Variants in VMP1 observed in about 807,000 individuals in gnomAD.
VMP1 encodes the protein vacuole membrane protein 1.
Under a neutral mutation model 56.0 loss-of-function variants are expected in VMP1, and 11 were observed. The observed-to-expected ratio is 0.20, with a 90% confidence interval of 0.12 to 0.32. The LOEUF is 0.32. Ranked by LOEUF, VMP1 falls within the 10% of genes least tolerant of loss-of-function variation. VMP1 has a pLI of 1.00. For synonymous variants in VMP1, 149 were observed against 165.0 expected (o/e 0.90, Z 0.74); for missense variants, 296 against 490.3 (o/e 0.60, Z 3.74).
chr17:59,811,407 C>T (rs892490654), intron 8 of VMP1, among the ~76,000 whole-genome samples: 1 of 152,126 alleles, frequency 6.6e-6, no homozygotes, highest in African/African-American at 2.4e-5. Flanking sequence ...CACACAGTGC[C>T]TTAGCCATGA....
chr17:59,832,454 G>T (rs1283182394), intron 10 of VMP1, among the ~76,000 whole-genome samples: 6 of 151,896 alleles, frequency 4.0e-5, no homozygotes, highest in Non-Finnish European at 7.4e-5. Context: ...CCTAGAGCAA[G>T]TACCTACTTA....
chr17:59,761,948 T>C (rs559492738), intron 5 of VMP1, among the ~76,000 whole-genome samples: 225 of 152,324 alleles, frequency 1.5e-3, no homozygotes, highest in African/African-American at 4.7e-3. Flanking sequence ...CATGCTTTGT[T>C]TGGGCTCTTG....
chr17:59,794,509 C>T lies in VMP1; in HGVS notation c.715-14287C>T, dbSNP rs2645476. ...CTGGGATTACAGGTGTGAGCCCCCG[C>T]GCCCTGCATTTTTTTTTTTTTTTTT... On this transcript the variant is annotated intron_variant, in intron 7 of 11. Coordinates refer to ENST00000262291, the MANE Select transcript of VMP1 (RefSeq NM_030938.5). Among the ~76,000 whole-genome samples, 71 of 140,584 alleles carry T rather than the reference C, an allele frequency of 5.1e-4. 1 individual carries two copies. The highest frequency in any genetic ancestry group is 1.6e-3 in the African/African-American group (62 of 38,302). The allele number at this position is 140,584 out of a possible 152,430, so 92.2% of individuals were successfully genotyped here.
At chr17:59,782,718 A>C (rs2036867491) in intron 7 of VMP1, among the ~76,000 whole-genome samples, 1 of 152,222 alleles carries the variant, frequency 6.6e-6, no homozygotes, top group African/African-American at 2.4e-5. Context: ...CTATGAGTGG[A>C]AATTTAAATT....
intron 5 of VMP1, among the ~76,000 whole-genome samples, chr17:59,751,616 C>T (rs1389976773): frequency 7.2e-6 from 1 of 139,584 alleles, no homozygotes; most frequent in Non-Finnish European, 1.5e-5. Flanking sequence ...GTGGGGGGGG[C>T]GCCTGTAATC....
intron 6 of VMP1, 142 bp from the exon 7 acceptor site, chr17:59,773,612 T>C (rs1178938589): frequency 4.0e-6 from 3 of 740,860 alleles, no homozygotes; most frequent in Non-Finnish European, 6.0e-6. Context: ...ACTTTTATTA[T>C]TTTGATTATG....
chr17:59,789,488 T>G (rs1442203495), intron 7 of VMP1, among the ~76,000 whole-genome samples: 1 of 151,234 alleles, frequency 6.6e-6, no homozygotes, highest in African/African-American at 2.4e-5. Context: ...TGAGCCAAAA[T>G]CGCTCCACTG....
chr17:59,765,144 A>G lies in VMP1; in HGVS notation c.582+6A>G, dbSNP rs760785967. On this transcript the variant is annotated splice_donor_region_variant and intron_variant, in intron 6 of 11. Coordinates refer to ENST00000262291, the MANE Select transcript of VMP1 (RefSeq NM_030938.5). ...GGATTGAAGCCTGCATGTGGGTAAG[A>G]TATGCATTTTCATATTTGTTTAAAA... 6.2e-7 allele frequency: 1 copy of G among 1,611,894 alleles called. No individual in the cohort carries two copies. The highest frequency in any genetic ancestry group is 8.5e-7 in the Non-Finnish European group (1 of 1,179,332).
intron 1 of VMP1, among the ~76,000 whole-genome samples, chr17:59,719,631 A>T (rs369445181): frequency 6.6e-6 from 1 of 151,908 alleles, no homozygotes; most frequent in Non-Finnish European, 1.5e-5. Flanking sequence ...ACTCAGGGAG[A>T]TGCTTTTATC....
At chr17:59,727,901 T>G (rs1252644934) in intron 1 of VMP1, among the ~76,000 whole-genome samples, 1 of 152,170 alleles carries the variant, frequency 6.6e-6, no homozygotes, top group East Asian at 1.9e-4. Flanking sequence ...CTAAAGAAAA[T>G]GAAACTTTGC....
At chr17:59,735,707 T>C (rs886549913) in intron 3 of VMP1, 1 of 464,512 alleles carries the variant, frequency 2.2e-6, no homozygotes, top group Non-Finnish European at 3.8e-6. Flanking sequence ...CCACTGTTTT[T>C]TCATGTTGAA....
At chr17:59,718,184 CT>C (rs971095445) in intron 1 of VMP1, among the ~76,000 whole-genome samples, 381 of 79,252 alleles carry the variant, frequency 4.8e-3, no homozygotes, top group South Asian at 7.4e-3. Flanking sequence ...TCCCTCCCTC[CT>C]TTTTTTTTTT....
intron 10 of VMP1, among the ~76,000 whole-genome samples, chr17:59,827,517 A>G (rs1325321362): frequency 6.6e-6 from 1 of 150,460 alleles, no homozygotes; most frequent in African/African-American, 2.5e-5. Context: ...GGGTTTCACC[A>G]TATTGGCCAG....
intron 1 of VMP1, among the ~76,000 whole-genome samples, chr17:59,724,572 T>C (rs1376931588): frequency 6.6e-6 from 1 of 152,144 alleles, no homozygotes; most frequent in African/African-American, 2.4e-5. Flanking sequence ...CTTGGGAGGC[T>C]GAGACAGGAG....
intron 5 of VMP1, among the ~76,000 whole-genome samples, chr17:59,763,308 C>T (rs1307541762): frequency 6.6e-6 from 1 of 151,828 alleles, no homozygotes; most frequent in Non-Finnish European, 1.5e-5. Context: ...TTGTGTGCAC[C>T]TGGCATTTAA....
chr17:59,764,936 G>C, intron 5 of VMP1, 35 bp from the exon 6 acceptor site: 1 of 1,453,378 alleles, frequency 6.9e-7, no homozygotes. Flanking sequence ...TTTTTTAATA[G>C]TTCTTATCAG....
At chr17:59,773,701 G>C in intron 6 of VMP1, 53 bp from the exon 7 acceptor site, 1 of 1,520,560 alleles carries the variant, frequency 6.6e-7, no homozygotes, top group Non-Finnish European at 8.8e-7. Context: ...GATCTATTAA[G>C]TGTCACTGTT....
chr17:59,821,146 A>AT (rs1678033759), intron 10 of VMP1, among the ~76,000 whole-genome samples: 1 of 150,908 alleles, frequency 6.6e-6, no homozygotes, highest in African/African-American at 2.4e-5. Context: ...AATTTTTTGT[A>AT]TTGTTAATAG....
At chr17:59,810,179 AGTCTCCCTCTGTC>A (rs1568190544) in intron 8 of VMP1, among the ~76,000 whole-genome samples, 1 of 151,988 alleles carries the variant, frequency 6.6e-6, no homozygotes, top group African/African-American at 2.4e-5. Flanking sequence ...TTTGAGACAG[AGTCTCCCTCTGTC>A]ACCCAGGCTG....
Sources: gnomAD v4.1 joint callset for allele counts (sites outside exome capture counted in the v4.1 genomes callset) on GRCh38, gnomAD v4.1.1 for gene constraint, MANE v1.5 for transcripts, NCBI Gene and HGNC (gene_info 2026-07-23, HGNC 2026-07-21) for gene names.